The following CSAG1 variants were observed in gnomAD, a reference collection of about 807,000 sequenced individuals.
CSAG1 encodes the protein chondrosarcoma associated gene 1, also known as chondrosarcoma-associated gene 1 protein.
CSAG1 carries 4 observed loss-of-function variants against 4.8 expected under a neutral mutation model. That is an observed-to-expected ratio of 0.83 (90% confidence interval 0.41 to 1.90). The LOEUF (loss-of-function observed/expected upper bound fraction) is 1.90, where lower values mean the gene tolerates loss of function less well. Ranked by LOEUF, CSAG1 falls within the 40% of genes most tolerant of loss-of-function variation. The pLI is 0.03. For missense variants in CSAG1, 69 were observed against 59.5 expected (o/e 1.16, Z -0.53); for synonymous variants, 21 against 23.1 (o/e 0.91, Z 0.26).
chrX:152,728,970 C>T (rs1427518029), intron 2 of CSAG1, among the ~76,000 whole-genome samples: 1 of 111,005 alleles, frequency 9.0e-6, no homozygotes, highest in African/African-American at 3.3e-5. Context: ...AATACAGACA[C>T]CCTGGGGCTG....
Position 152,727,651 on chromosome X carries a change from G to T in CSAG1, c.*143C>A. 5.4e-6 allele frequency: 4 copies of T among 736,360 alleles called. No homozygotes were observed. In the East Asian group the frequency reaches 1.3e-4, roughly 24 times the overall value. The allele number at this position is 736,360 out of a possible 1,213,427, so 60.7% of individuals were successfully genotyped here. On this transcript the variant is annotated 3_prime_UTR_variant, in exon 4 of 4. Coordinates refer to ENST00000452779, the MANE Select transcript of CSAG1 (RefSeq NM_001102576.3). ...GCCTGGGAATTACTGGCTGCCCAAG[G>T]AAGCACTGGAGAAGGCGGTGGTCTC...
intron 2 of CSAG1, among the ~76,000 whole-genome samples, chrX:152,731,214 T>C (rs782229006): frequency 3.6e-5 from 4 of 111,951 alleles, no homozygotes; most frequent in African/African-American, 1.3e-4. Context: ...CCTGGGTTCA[T>C]AATATTAGTT....
chrX:152,730,017 TAC>T lies in CSAG1; in HGVS notation c.17-1795_17-1794del, dbSNP rs1381196705. Among the ~76,000 whole-genome samples the T allele has an allele frequency of 4.2e-4, 42 of 99,192 alleles. 2 individuals carry two copies. In the South Asian group the frequency reaches 4.4e-3, roughly 10 times the overall value. The allele number at this position is 99,192 out of a possible 115,157, so 86.1% of individuals were successfully genotyped here. A position where few individuals can be genotyped will look rare whatever the true frequency, so the allele number is the denominator to read the frequency against. On this transcript the variant is annotated intron_variant, in intron 2 of 3. Transcript: ENST00000452779. ...TTATATATATATATATATACACACATACACACACACACGCATTAAAATATGGT... is the reference window on the plus strand; with the variant it reads ...TTATATATATATATATATACACACATACACACACACGCATTAAAATATGGT...
At chrX:152,728,808 G>C (rs1932083512) in intron 2 of CSAG1, among the ~76,000 whole-genome samples, 3 of 110,859 alleles carry the variant, frequency 2.7e-5, no homozygotes, top group African/African-American at 9.9e-5. Flanking sequence ...TGTGCAGAGA[G>C]CGCGCGAGAG....
intron 1 of CSAG1, chrX:152,732,911 C>T: frequency 7.5e-6 from 1 of 133,254 alleles, no homozygotes; most frequent in Non-Finnish European, 1.5e-5. Flanking sequence ...AAAAAAAATT[C>T]CTTCAACAGA....
At chrX:152,732,140 A>T (rs1462279902) in intron 2 of CSAG1, among the ~76,000 whole-genome samples, 1 of 112,745 alleles carries the variant, frequency 8.9e-6, no homozygotes, top group East Asian at 2.8e-4. Context: ...ATCGGCCTTC[A>T]GAATGAGGTG....
At chrX:152,730,008 A>ATATATATATATATATATATATATATG (rs1932122525) in intron 2 of CSAG1, among the ~76,000 whole-genome samples, 1 of 80,491 alleles carries the variant, frequency 1.2e-5, no homozygotes, top group Admixed American at 1.2e-4. Context: ...ATATATATAT[A>ATATATATATATATATATATATATATG]TACACACATA....
intron 2 of CSAG1, among the ~76,000 whole-genome samples, chrX:152,730,865 C>T (rs782539412): frequency 8.9e-6 from 1 of 112,298 alleles, no homozygotes; most frequent in South Asian, 3.7e-4. Context: ...ATGTATGAAA[C>T]CACCACAGTG....
In CSAG1 at chrX:152,727,664, A is replaced by T; in HGVS notation, c.*130T>A. The T allele has an allele frequency of 1.2e-6, 1 of 809,492 alleles. No individual in the cohort carries two copies. Among genetic ancestry groups the T allele is most frequent in the South Asian group, 2.1e-5 (1 of 47,486 alleles). 66.7% of individuals were successfully genotyped at this position (809,492 alleles called of 1,213,427 possible). A position where few individuals can be genotyped will look rare whatever the true frequency, so the allele number is the denominator to read the frequency against. On this transcript the variant is annotated 3_prime_UTR_variant, in exon 4 of 4. Transcript: ENST00000452779. ...TGGCTGCCCAAGGAAGCACTGGAGA[A>T]GGCGGTGGTCTCCTTGCCCTTGTGG...
chrX:152,729,992 T>TTTTATATATATATATATATA (rs1204435801), intron 2 of CSAG1, among the ~76,000 whole-genome samples: 3 of 64,635 alleles, frequency 4.6e-5, no homozygotes, highest in Non-Finnish European at 9.4e-5. Context: ...GGTGAATGGA[T>TTTTATATATATATATATATA]TATATATATA....
chrX:152,731,225 T>C (rs1278976639), intron 2 of CSAG1, among the ~76,000 whole-genome samples: 1 of 111,874 alleles, frequency 8.9e-6, no homozygotes, highest in Non-Finnish European at 1.9e-5. Flanking sequence ...AATATTAGTT[T>C]CTGTTATTCT....
At chrX:152,731,473 T>C (rs1360956888) in intron 2 of CSAG1, among the ~76,000 whole-genome samples, 6 of 112,106 alleles carry the variant, frequency 5.4e-5, no homozygotes, top group Non-Finnish European at 1.1e-4. Flanking sequence ...TTCTACCAAA[T>C]GATCAGGGAA....
rs73244125 is a variant in CSAG1, at chrX:152,730,066, C to T, written c.17-1842G>A. ...TGGTACACCCAATGATACTACTACT[C>T]CTCAATGAAAAGGAATAAGTTACAA... On this transcript the variant is annotated intron_variant, in intron 2 of 3. Transcript: ENST00000452779. Among the ~76,000 whole-genome samples the T allele has an allele frequency of 5.3e-3, 527 of 99,787 alleles. 1 individual carries two copies. Among genetic ancestry groups the T allele is most frequent in the Non-Finnish European group, 8.9e-3 (437 of 48,954 alleles). The allele number at this position is 99,787 out of a possible 115,157, so 86.7% of individuals were successfully genotyped here.
chrX:152,728,378 T>A (rs1386457642), intron 2 of CSAG1, 154 bp from the exon 3 acceptor site: 2 of 557,648 alleles, frequency 3.6e-6, no homozygotes, highest in Non-Finnish European at 6.2e-6. Flanking sequence ...TTGTAAATGT[T>A]GATCACATCT....
Position 152,729,169 on chromosome X carries a change from C to T in CSAG1, c.17-945G>A, listed in dbSNP as rs1157520881. On this transcript the variant is annotated intron_variant, in intron 2 of 3. Coordinates refer to ENST00000452779, the MANE Select transcript of CSAG1 (RefSeq NM_001102576.3). ...GTGTCGGAACAATTAGACACCTATACACAAATTATAATAACCTGGACATAT... is the reference window on the plus strand; with the variant it reads ...GTGTCGGAACAATTAGACACCTATATACAAATTATAATAACCTGGACATAT... Among the ~76,000 whole-genome samples, 3 of 111,099 alleles carry T rather than the reference C, an allele frequency of 2.7e-5. No homozygotes were observed. In the Admixed American group the frequency reaches 2.8e-4, roughly 11 times the overall value.
chrX:152,727,849 G>T lies in CSAG1; in HGVS notation c.182C>A (p.Pro61His). Residue 61 changes from proline to histidine, a missense_variant, in exon 4 of 4, where the codon CCC (proline) becomes CAC (histidine). Pro to His is a moderately conservative substitution (Grantham distance 77, BLOSUM62 -2). Transcript: ENST00000452779. ...CTTGACGGGTCCCTTTTCCCTTCTG[G>T]GTTGTCTTGGGAACCTGGAAAGCCA... ...PSTPKRFPRQ[P>H]RREKGPVKEV... 1 of 1,210,448 alleles carries T rather than the reference G, an allele frequency of 8.3e-7. No individual in the cohort carries two copies. Among genetic ancestry groups the T allele is most frequent in the Non-Finnish European group, 1.1e-6 (1 of 894,600 alleles).
rs782457456 is a variant in CSAG1, at chrX:152,727,586, T to C, written c.*208A>G. 7.8e-4 allele frequency: 383 copies of C among 489,146 alleles called. No homozygotes were observed. Among genetic ancestry groups the C allele is most frequent in the Middle Eastern group, 1.8e-3 (3 of 1,691 alleles). 40.3% of individuals were successfully genotyped at this position (489,146 alleles called of 1,213,427 possible). On this transcript the variant is annotated 3_prime_UTR_variant, in exon 4 of 4. Coordinates refer to ENST00000452779, the MANE Select transcript of CSAG1 (RefSeq NM_001102576.3). ...GTTGGCTATTTATCTGGGGTTAGACTTCTGGAGACTTTTCAGATAGACTTG... is the reference window on the plus strand; with the variant it reads ...GTTGGCTATTTATCTGGGGTTAGACCTCTGGAGACTTTTCAGATAGACTTG...
In CSAG1 at chrX:152,729,139, A is replaced by C. The variant is rs782196526; in HGVS notation, c.17-915T>G. On this transcript the variant is annotated intron_variant, in intron 2 of 3. Transcript: ENST00000452779. ...ATGGTGAAAGTACAGGTTTTCCAAC[A>C]AAAGGTGTCGGAACAATTAGACACC... 2.1e-4 allele frequency among the ~76,000 whole-genome samples: 23 copies of C among 111,113 alleles called. No individual in the cohort carries two copies. The South Asian group carries it at 2.7e-3, about 13-fold the overall frequency.
At chrX:152,730,772 C>A (rs1176978117) in intron 2 of CSAG1, among the ~76,000 whole-genome samples, 7 of 112,022 alleles carry the variant, frequency 6.2e-5, no homozygotes, top group African/African-American at 1.9e-4. Flanking sequence ...ATGTATGTAA[C>A]GTCTAAAAGT....
Sources: allele counts gnomAD v4.1 joint callset (sites outside exome capture counted in the v4.1 genomes callset), GRCh38; gene constraint gnomAD v4.1.1; transcripts MANE v1.5; gene names NCBI Gene and HGNC (gene_info 2026-07-23, HGNC 2026-07-21).